The following FRMD4A variants were observed in gnomAD, a reference collection of about 807,000 sequenced individuals.
FRMD4A encodes the protein FERM domain containing 4A.
In FRMD4A, 29 loss-of-function variants were observed where a neutral mutation model predicts 129.1. The observed-to-expected ratio is 0.22, with a 90% CI of 0.17 to 0.31. The LOEUF is 0.31. FRMD4A is among the 10% of genes least tolerant of loss of function. The pLI, the probability that FRMD4A is intolerant of heterozygous loss-of-function variation, is 1.00. For missense variants in FRMD4A, 1,272 were observed against 1,375.8 expected, an observed-to-expected ratio of 0.92 and a Z score of 1.19; for synonymous variants, 634 against 571.6, an observed-to-expected ratio of 1.11 and a Z score of -1.56.
intron 12 of FRMD4A, among the ~76,000 whole-genome samples, chr10:13,719,642 TAAG>T (rs2089230046): frequency 6.6e-6 from 1 of 151,992 alleles, no homozygotes; most frequent in African/African-American, 2.4e-5. Flanking sequence ...TCAAACTCAT[TAAG>T]AAGAAGGAGG....
intron 2 of FRMD4A, among the ~76,000 whole-genome samples, chr10:14,212,119 G>T (rs527294768): frequency 6.6e-6 from 1 of 152,184 alleles, no homozygotes; most frequent in South Asian, 2.1e-4. Context: ...CTTCTCCCAG[G>T]GAGAGGAGGT....
intron 3 of FRMD4A, among the ~76,000 whole-genome samples, chr10:13,833,417 G>C (rs1564879478): frequency 6.6e-6 from 1 of 152,162 alleles, no homozygotes; most frequent in Non-Finnish European, 1.5e-5. Context: ...ACCTGTCCCT[G>C]TCCTTGACAC....
At chr10:13,988,315 G>C (rs777193471) in intron 2 of FRMD4A, among the ~76,000 whole-genome samples, 86 of 152,250 alleles carry the variant, frequency 5.6e-4, no homozygotes, top group Non-Finnish European at 1.1e-3. Context: ...TGGACTCTTC[G>C]ACCTTGGTAG....
At chr10:13,920,880 T>C (rs17549892) in intron 2 of FRMD4A, among the ~76,000 whole-genome samples, 18,712 of 152,186 alleles carry the variant, frequency 0.12, 1,556 homozygotes, top group Non-Finnish European at 0.18. Context: ...GCTTCAATAG[T>C]AGGGTGGTAA....
intron 2 of FRMD4A, among the ~76,000 whole-genome samples, chr10:14,167,014 T>G (rs771517602): frequency 3.5e-4 from 53 of 152,168 alleles, no homozygotes; most frequent in Admixed American, 6.5e-4. Flanking sequence ...AAATAAACCC[T>G]GGTGTCTGAC....
intron 12 of FRMD4A, among the ~76,000 whole-genome samples, chr10:13,721,363 TC>T (rs1415651756): frequency 6.6e-6 from 1 of 152,016 alleles, no homozygotes; most frequent in Non-Finnish European, 1.5e-5. Flanking sequence ...GCACCTGTAG[TC>T]CCGGCTACTC....
At chr10:14,315,582 T>C (rs1357899293) in intron 2 of FRMD4A, among the ~76,000 whole-genome samples, 3 of 152,200 alleles carry the variant, frequency 2.0e-5, no homozygotes, top group Non-Finnish European at 4.4e-5. Flanking sequence ...TTTTGTTCTC[T>C]TGCCTAAAGT....
intron 6 of FRMD4A, among the ~76,000 whole-genome samples, chr10:13,781,393 T>TTC (rs1372621444): frequency 3.0e-5 from 3 of 99,854 alleles, no homozygotes; most frequent in African/African-American, 6.6e-5. Flanking sequence ...TTTTTTTTTT[T>TTC]CTGAGACAGA....
At chr10:13,920,824 T>TA (rs201977067) in intron 2 of FRMD4A, among the ~76,000 whole-genome samples, 104 of 150,208 alleles carry the variant, frequency 6.9e-4, no homozygotes, top group Middle Eastern at 3.4e-3. Context: ...CTTTTATTAT[T>TA]TTTTTTTAAT....
At chr10:14,119,777 G>C (rs1379757666) in intron 2 of FRMD4A, among the ~76,000 whole-genome samples, 1 of 152,172 alleles carries the variant, frequency 6.6e-6, no homozygotes, top group African/African-American at 2.4e-5. Context: ...CAATTTAGAG[G>C]AGATGTGATT....
intron 2 of FRMD4A, among the ~76,000 whole-genome samples, chr10:14,200,314 C>T (rs1261974259): frequency 6.7e-6 from 1 of 150,096 alleles, no homozygotes; most frequent in Non-Finnish European, 1.5e-5. Context: ...TTTTTTGAGA[C>T]AGACTCTCAC....
chr10:14,243,004 G>A (rs1844103664), intron 2 of FRMD4A, among the ~76,000 whole-genome samples: 1 of 152,154 alleles, frequency 6.6e-6, no homozygotes, highest in Admixed American at 6.5e-5. Flanking sequence ...CATTATAGAT[G>A]AATGGATAAA....
intron 2 of FRMD4A, among the ~76,000 whole-genome samples, chr10:14,302,187 TTCTC>T (rs1408925016): frequency 1.3e-5 from 2 of 152,190 alleles, no homozygotes; most frequent in African/African-American, 4.8e-5. Flanking sequence ...CAGGGTTCCT[TTCTC>T]TATCCAAATG....
At chr10:14,283,738 T>C (rs1845594131) in intron 2 of FRMD4A, among the ~76,000 whole-genome samples, 1 of 152,230 alleles carries the variant, frequency 6.6e-6, no homozygotes, top group African/African-American at 2.4e-5. Flanking sequence ...TTTGCAAGTT[T>C]GCCTGTAGGT....
At chr10:13,889,765 T>C (rs1051503724) in intron 2 of FRMD4A, among the ~76,000 whole-genome samples, 4 of 152,212 alleles carry the variant, frequency 2.6e-5, no homozygotes, top group African/African-American at 7.2e-5. Context: ...AAGAATTTAA[T>C]TTTTTCTCCC....
At chr10:14,180,908 G>A (rs1841892025) in intron 2 of FRMD4A, among the ~76,000 whole-genome samples, 1 of 152,216 alleles carries the variant, frequency 6.6e-6, no homozygotes, top group African/African-American at 2.4e-5. Context: ...AGGATCTACT[G>A]TATTTTATTT....
intron 2 of FRMD4A, among the ~76,000 whole-genome samples, chr10:13,946,459 T>C (rs2095332445): frequency 6.6e-6 from 1 of 152,220 alleles, no homozygotes; most frequent in South Asian, 2.1e-4. Flanking sequence ...ACTTGTTTAT[T>C]TACCTAATGC....
intron 2 of FRMD4A, among the ~76,000 whole-genome samples, chr10:14,104,030 G>A (rs1299523072): frequency 6.6e-6 from 1 of 152,192 alleles, no homozygotes; most frequent in East Asian, 1.9e-4. Context: ...TGGAGCAAAT[G>A]CTGGCTTAGA....
chr10:13,679,653 C>T lies in FRMD4A; in HGVS notation c.1118-4609G>A, dbSNP rs183252377. On this transcript the variant is annotated intron_variant, in intron 15 of 24. Transcript: ENST00000357447. Reference sequence around the variant, plus strand: ...CGTTCCTCAAAACAGAGCAGCTCCCCGTGAACCTGCTGCATGTATTCAGGT... The same window carrying T: ...CGTTCCTCAAAACAGAGCAGCTCCCTGTGAACCTGCTGCATGTATTCAGGT... 4.6e-4 allele frequency among the ~76,000 whole-genome samples: 70 copies of T among 151,254 alleles called. No individual in the cohort carries two copies. In the East Asian group the frequency reaches 7.4e-3, roughly 16 times the overall value.
Sources: allele counts gnomAD v4.1 joint callset (sites outside exome capture counted in the v4.1 genomes callset), GRCh38; gene constraint gnomAD v4.1.1; transcripts MANE v1.5; gene names NCBI Gene and HGNC (gene_info 2026-07-23, HGNC 2026-07-21).